The following CRTAC1 variants were observed in gnomAD, a reference collection of about 807,000 sequenced individuals.
CRTAC1 encodes the protein acidic secreted protein in cartilage.
A neutral mutation model predicts 67.8 loss-of-function variants in CRTAC1; 37 were observed. That is an observed-to-expected ratio of 0.55 (90% CI 0.42 to 0.72). The LOEUF is 0.72. CRTAC1 is among the 30% of genes least tolerant of loss of function. The pLI is 0.00. For synonymous variants in CRTAC1, 348 were observed against 371.0 expected, an observed-to-expected ratio of 0.94 and a Z score of 0.71; for missense variants, 780 against 931.6, an observed-to-expected ratio of 0.84 and a Z score of 2.12.
At chr10:97,934,538 A>G (rs982294398) in intron 3 of CRTAC1, among the ~76,000 whole-genome samples, 1 of 152,146 alleles carries the variant, frequency 6.6e-6, no homozygotes, top group Non-Finnish European at 1.5e-5. Flanking sequence ...AGGACTCAAC[A>G]TCAGGGGCAG....
chr10:97,909,103 A>G (rs1447417649), intron 5 of CRTAC1, among the ~76,000 whole-genome samples: 3 of 152,200 alleles, frequency 2.0e-5, no homozygotes, highest in African/African-American at 7.2e-5. Flanking sequence ...TTAAAACGGA[A>G]AGAAATCAAG....
rs1372197563 is a variant in CRTAC1 at position 97,865,470 on chromosome 10, A to G, written c.*78T>C. The G allele has an allele frequency of 2.3e-5, 35 of 1,514,450 alleles. No individual in the cohort carries two copies. Among genetic ancestry groups the G allele is most frequent in the Admixed American group, 1.4e-4 (7 of 51,736 alleles). The allele number at this position is 1,514,450 out of a possible 1,614,324, so 93.8% of individuals were successfully genotyped here. On this transcript the variant is annotated 3_prime_UTR_variant, in exon 15 of 15. Coordinates refer to ENST00000370597, the MANE Select transcript of CRTAC1 (RefSeq NM_018058.7). ...CTAGCTCCCAGGCCTTTACATCCCT[A>G]CTGTCTAGGCAGCAGCACAAGCCCA...
chr10:98,005,100 A>ATATATTTTTTTT, intron 2 of CRTAC1, among the ~76,000 whole-genome samples: 2 of 48,880 alleles, frequency 4.1e-5, no homozygotes, highest in African/African-American at 2.3e-4. Context: ...ATATATATAT[A>ATATATTTTTTTT]TTTTTTTTTT....
intron 2 of CRTAC1, among the ~76,000 whole-genome samples, chr10:97,999,446 G>A (rs1842646596): frequency 6.6e-6 from 1 of 152,254 alleles, no homozygotes; most frequent in Non-Finnish European, 1.5e-5. Flanking sequence ...GGGCAGTGCT[G>A]ACATGCCAGC....
intron 13 of CRTAC1, among the ~76,000 whole-genome samples, chr10:97,882,483 C>T (rs2050228732): frequency 6.6e-6 from 1 of 152,190 alleles, no homozygotes; most frequent in African/African-American, 2.4e-5. Flanking sequence ...TGTGGCTATT[C>T]CCCCTGTGCC....
In CRTAC1 at chr10:97,880,499, C is replaced by T. The variant is rs535535077; in HGVS notation, c.1676-107G>A. ...TGGCTTTGGGAATGTGCCTTCCTCG[C>T]AGAGCCTCAGTTTCCCTGCTTCAGT... On this transcript the variant is annotated intron_variant, in intron 13 of 14. Transcript: ENST00000370597. 9.9e-5 allele frequency: 135 copies of T among 1,368,376 alleles called. 1 individual carries two copies. The highest frequency in any genetic ancestry group is 1.3e-4 in the Non-Finnish European group (128 of 991,940). The allele number at this position is 1,368,376 out of a possible 1,614,324, so 84.8% of individuals were successfully genotyped here.
At chr10:97,866,043 C>T (rs2050019772) in intron 14 of CRTAC1, 1 of 303,802 alleles carries the variant, frequency 3.3e-6, no homozygotes, top group Non-Finnish European at 6.1e-6. Context: ...CCCAACCCTG[C>T]GAGGGGGGCC....
intron 14 of CRTAC1, chr10:97,869,127 CG>C (rs2050062164): frequency 6.6e-6 from 1 of 152,242 alleles, no homozygotes; most frequent in Non-Finnish European, 1.5e-5. Flanking sequence ...GGGCCTCAGC[CG>C]TCCTGGGATT....
At chr10:97,881,380 C>T (rs1412346776) in intron 13 of CRTAC1, among the ~76,000 whole-genome samples, 1 of 152,178 alleles carries the variant, frequency 6.6e-6, no homozygotes, top group Non-Finnish European at 1.5e-5. Context: ...GAGTCTTCCC[C>T]CCGAGGCCCT....
chr10:97,885,889 A>C (rs2050276350), intron 11 of CRTAC1, among the ~76,000 whole-genome samples: 1 of 152,234 alleles, frequency 6.6e-6, no homozygotes. Flanking sequence ...ATTTTTCCTA[A>C]TATATGTAGA....
intron 2 of CRTAC1, among the ~76,000 whole-genome samples, chr10:97,976,458 A>C (rs145911338): frequency 2.0e-4 from 31 of 152,282 alleles, no homozygotes; most frequent in African/African-American, 7.5e-4. Context: ...ATCAAACCTC[A>C]TGGGGTTAAA....
intron 4 of CRTAC1, among the ~76,000 whole-genome samples, chr10:97,920,283 T>C (rs933721949): frequency 6.6e-6 from 1 of 152,236 alleles, no homozygotes; most frequent in Non-Finnish European, 1.5e-5. Flanking sequence ...TTATACCTAG[T>C]TCCTTACTTT....
chr10:97,992,088 A>C (rs1431493709), intron 2 of CRTAC1, among the ~76,000 whole-genome samples: 3 of 152,290 alleles, frequency 2.0e-5, no homozygotes, highest in African/African-American at 7.2e-5. Context: ...AAATGTTTTA[A>C]CCAAGGCCTT....
rs756837561 is a variant in CRTAC1, at chr10:97,917,673, G to A, written c.559-17C>T. 1.3e-6 allele frequency: 2 copies of A among 1,526,484 alleles called. No homozygotes were observed. Among genetic ancestry groups the A allele is most frequent in the South Asian group, 2.6e-5 (2 of 77,292 alleles). The allele number at this position is 1,526,484 out of a possible 1,614,324, so 94.6% of individuals were successfully genotyped here. A position where few individuals can be genotyped will look rare whatever the true frequency, so the allele number is the denominator to read the frequency against. ...TCCAGAGCCCTGAGGAAGAAGGGAA[G>A]GGAGAGGTGAGCAGGGCCACCTTGG... On this transcript the variant is annotated splice_polypyrimidine_tract_variant and intron_variant, in intron 4 of 14. Transcript: ENST00000370597.
At chr10:97,916,475 G>A (rs893050604) in intron 5 of CRTAC1, among the ~76,000 whole-genome samples, 2 of 152,174 alleles carry the variant, frequency 1.3e-5, no homozygotes, top group Non-Finnish European at 2.9e-5. Flanking sequence ...AGTGGCTAGG[G>A]AAAGGCATTG....
At chr10:97,914,528 A>T (rs1044964425) in intron 5 of CRTAC1, among the ~76,000 whole-genome samples, 14 of 152,172 alleles carry the variant, frequency 9.2e-5, no homozygotes, top group African/African-American at 3.4e-4. Context: ...CTAGGCTGTA[A>T]TGCACAGGGT....
At chr10:97,971,422 G>A (rs1167862755) in intron 2 of CRTAC1, among the ~76,000 whole-genome samples, 1 of 152,236 alleles carries the variant, frequency 6.6e-6, no homozygotes, top group Non-Finnish European at 1.5e-5. Context: ...AACATTGTAT[G>A]ATTCCACTTA....
chr10:97,929,742 C>T (rs2050974685), intron 3 of CRTAC1, among the ~76,000 whole-genome samples: 1 of 152,188 alleles, frequency 6.6e-6, no homozygotes, highest in Non-Finnish European at 1.5e-5. Flanking sequence ...ATACCTGGCA[C>T]ATGATAAGTT....
At chr10:97,925,097 C>A (rs1359317141) in intron 3 of CRTAC1, among the ~76,000 whole-genome samples, 1 of 152,118 alleles carries the variant, frequency 6.6e-6, no homozygotes, top group Non-Finnish European at 1.5e-5. Flanking sequence ...AAGACCCCAT[C>A]TTTACAAACC....
Sources: gnomAD v4.1 joint callset for allele counts (sites outside exome capture counted in the v4.1 genomes callset) on GRCh38, gnomAD v4.1.1 for gene constraint, MANE v1.5 for transcripts, NCBI Gene and HGNC (gene_info 2026-07-23, HGNC 2026-07-21) for gene names.